The following ZNF516 variants were observed in gnomAD, a reference collection of about 807,000 sequenced individuals.
ZNF516 encodes zinc finger protein 516.
Under a neutral mutation model 79.7 loss-of-function variants are expected in ZNF516, and 19 were observed. The observed-to-expected ratio is 0.24, with a 90% CI of 0.17 to 0.35. The LOEUF (loss-of-function observed/expected upper bound fraction) is 0.35, where lower values mean the gene tolerates loss of function less well. Ranked by LOEUF, ZNF516 falls within the 10% of genes least tolerant of loss-of-function variation. The probability of loss-of-function intolerance (pLI) is 1.00; values close to 1 mark genes in which losing one functional copy is unlikely to be tolerated. For synonymous variants in ZNF516, 877 were observed against 739.5 expected (o/e 1.19, Z -3.02); for missense variants, 1,678 against 1,679.5 (o/e 1.00, Z 0.02).
intron 3 of ZNF516, among the ~76,000 whole-genome samples, chr18:76,408,401 CG>C (rs1451395402): frequency 6.6e-6 from 1 of 152,110 alleles, no homozygotes; most frequent in Non-Finnish European, 1.5e-5. Context: ...TGAGACCCTC[CG>C]GGAGTTCCAG....
intron 1 of ZNF516, among the ~76,000 whole-genome samples, chr18:76,494,425 C>G (rs917845027): frequency 2.6e-5 from 4 of 151,694 alleles, no homozygotes; most frequent in African/African-American, 7.3e-5. Context: ...CTGCCCACCC[C>G]TCTCCGAGTC....
chr18:76,365,735 G>C (rs1268063470), intron 6 of ZNF516, among the ~76,000 whole-genome samples: 1 of 152,204 alleles, frequency 6.6e-6, no homozygotes, highest in Admixed American at 6.5e-5. Context: ...CCACCGCCGG[G>C]CTGGAAGAAT....
chr18:76,391,269 A>T (rs894036211), intron 3 of ZNF516, among the ~76,000 whole-genome samples: 1 of 152,112 alleles, frequency 6.6e-6, no homozygotes, highest in Non-Finnish European at 1.5e-5. Flanking sequence ...GCCAAACCAC[A>T]ACCCTAATCC....
intron 2 of ZNF516, among the ~76,000 whole-genome samples, chr18:76,447,526 G>C (rs1912131075): frequency 6.6e-6 from 1 of 152,198 alleles, no homozygotes; most frequent in Non-Finnish European, 1.5e-5. Flanking sequence ...CACGGGCCTG[G>C]AGATAACCAG....
intron 1 of ZNF516, among the ~76,000 whole-genome samples, chr18:76,479,596 C>T (rs1182919046): frequency 6.6e-6 from 1 of 152,230 alleles, no homozygotes; most frequent in East Asian, 1.9e-4. Flanking sequence ...ACATGTGGAA[C>T]TAGATTCACA....
At chr18:76,399,687 C>T (rs977792969) in intron 3 of ZNF516, among the ~76,000 whole-genome samples, 12 of 152,192 alleles carry the variant, frequency 7.9e-5, no homozygotes, top group Admixed American at 5.2e-4. Context: ...CACCTCTAGA[C>T]TCGAGGTCCA....
intron 3 of ZNF516, among the ~76,000 whole-genome samples, chr18:76,395,957 G>A (rs573699839): frequency 2.0e-5 from 3 of 152,302 alleles, no homozygotes; most frequent in Non-Finnish European, 4.4e-5. Flanking sequence ...AGGAAGCCCT[G>A]CCTTCTTCCC....
chr18:76,427,356 T>C (rs1026114670), intron 3 of ZNF516, among the ~76,000 whole-genome samples: 1 of 152,206 alleles, frequency 6.6e-6, no homozygotes, highest in African/African-American at 2.4e-5. Flanking sequence ...AGATTGAGTC[T>C]ATGACAAAGT....
upstream of ZNF516, chr18:76,496,307 T>C (rs1915482319): frequency 7.8e-7 from 1 of 1,289,580 alleles, no homozygotes; most frequent in South Asian, 1.2e-5. Flanking sequence ...CTCCTTCTCC[T>C]CGTGATAACT....
At chr18:76,362,648 T>C in intron 6 of ZNF516, 91 bp from the exon 7 acceptor site, 1 of 1,302,936 alleles carries the variant, frequency 7.7e-7, no homozygotes, top group Non-Finnish European at 1.1e-6. Context: ...CTAATCAACA[T>C]CCAAGAACAC....
intron 6 of ZNF516, among the ~76,000 whole-genome samples, chr18:76,367,991 C>T (rs1024445594): frequency 5.9e-5 from 9 of 152,050 alleles, no homozygotes; most frequent in African/African-American, 2.2e-4. Flanking sequence ...AGCCATGATC[C>T]CTAGCATCTA....
chr18:76,391,511 A>T (rs1315351213), intron 3 of ZNF516, among the ~76,000 whole-genome samples: 1 of 151,830 alleles, frequency 6.6e-6, no homozygotes, highest in African/African-American at 2.4e-5. Context: ...CCAACTCTAA[A>T]CCTAACCCAA....
At chr18:76,412,245 T>A (rs2075380416) in intron 3 of ZNF516, among the ~76,000 whole-genome samples, 2 of 152,212 alleles carry the variant, frequency 1.3e-5, no homozygotes, top group Admixed American at 1.3e-4. Context: ...TGCTGACTGC[T>A]GCTGCACTTC....
At chr18:76,433,328 T>C (rs2075686678) in intron 3 of ZNF516, among the ~76,000 whole-genome samples, 1 of 152,216 alleles carries the variant, frequency 6.6e-6, no homozygotes, top group East Asian at 1.9e-4. Flanking sequence ...CTCCAGCCAC[T>C]GTTCTCAGCG....
At chr18:76,471,024 G>C (rs1024602014) in intron 1 of ZNF516, among the ~76,000 whole-genome samples, 13 of 152,004 alleles carry the variant, frequency 8.6e-5, no homozygotes, top group Admixed American at 7.9e-4. Context: ...AGATATTTTT[G>C]TAAGTGGATT....
At chr18:76,415,937 T>A (rs546358759) in intron 3 of ZNF516, among the ~76,000 whole-genome samples, 2 of 152,348 alleles carry the variant, frequency 1.3e-5, no homozygotes, top group South Asian at 4.1e-4. Flanking sequence ...AACTACCAAT[T>A]ACCTCAGTTT....
intron 1 of ZNF516, among the ~76,000 whole-genome samples, chr18:76,466,545 C>T (rs1417135224): frequency 1.3e-5 from 2 of 152,248 alleles, no homozygotes; most frequent in East Asian, 1.9e-4. Context: ...TTGGCTGGCA[C>T]GGCCGGACCC....
chr18:76,380,134 A>G lies in ZNF516; in HGVS notation c.1980T>C (p.Thr660=). 1 of 1,613,906 alleles carries G rather than the reference A, an allele frequency of 6.2e-7. No homozygotes were observed. The highest frequency in any genetic ancestry group is 8.5e-7 in the Non-Finnish European group (1 of 1,179,888). ...ATCTGTGCTGCTCTTGCCTTCTAGA[A>G]GTCTCTCTGCTACTGTTTTCAAGTA... ...VSILENSSRE[T]SRRQEQHRFS... is the part of the protein sequence containing the mutation. Residue 660 remains threonine (T), a synonymous_variant, in exon 4 of 7, where the codon ACT becomes ACC. Coordinates refer to ENST00000443185, the MANE Select transcript of ZNF516 (RefSeq NM_014643.4).
chr18:76,402,252 A>G (rs1181017924), intron 3 of ZNF516, among the ~76,000 whole-genome samples: 2 of 152,150 alleles, frequency 1.3e-5, no homozygotes, highest in South Asian at 4.1e-4. Flanking sequence ...CGAGGCACAC[A>G]CTGGGCTGTC....
Sources: gnomAD v4.1 joint callset for allele counts (sites outside exome capture counted in the v4.1 genomes callset) on GRCh38, gnomAD v4.1.1 for gene constraint, MANE v1.5 for transcripts, NCBI Gene and HGNC (gene_info 2026-07-23, HGNC 2026-07-21) for gene names.